CREBL2: variants seen among roughly 807,000 people sequenced by gnomAD.
CREBL2 encodes the protein cAMP responsive element binding protein like 2, also known as cAMP-responsive element-binding protein-like 2.
Under a neutral mutation model 19.5 loss-of-function variants are expected in CREBL2, and 4 were observed. The observed-to-expected ratio is 0.20, with a 90% confidence interval of 0.10 to 0.47. The LOEUF is 0.47. Among genes scored for constraint, CREBL2 ranks in the 20% least tolerant of loss-of-function variants. CREBL2 has a pLI of 0.98. For synonymous variants in CREBL2, 42 were observed against 46.6 expected (o/e 0.90, Z 0.40); for missense variants, 85 against 145.1 (o/e 0.59, Z 2.13).
chr12:12,636,555 G>A (rs781624099), intron 2 of CREBL2, among the ~76,000 whole-genome samples: 87 of 152,226 alleles, frequency 5.7e-4, no homozygotes, highest in Non-Finnish European at 8.4e-4. Flanking sequence ...GAGTAGCTGG[G>A]ACTACAGGTG....
intron 1 of CREBL2, among the ~76,000 whole-genome samples, chr12:12,614,065 C>T (rs1045626445): frequency 4.2e-5 from 6 of 143,124 alleles, no homozygotes; most frequent in African/African-American, 1.6e-4. Flanking sequence ...ACGATCTCGG[C>T]TCACTGCCGA....
At position 12,637,482 on chromosome 12, in the gene CREBL2, T is replaced by C. The variant is rs1028308755; in HGVS notation, c.214-88T>C. 27 of 883,606 alleles carry C rather than the reference T, an allele frequency of 3.1e-5. No individual in the cohort carries two copies. In the East Asian group the frequency reaches 8.0e-4, roughly 26 times the overall value. 54.7% of individuals were successfully genotyped at this position (883,606 alleles called of 1,614,324 possible). ...TGGGAGTTCCTATGTCTAGGATTTC[T>C]ACCAGTGGTTCCTGAACTCTGACAA... is the stretch of plus-strand genomic sequence containing the variant. On this transcript the variant is annotated intron_variant, in intron 2 of 3. Transcript: ENST00000228865.
intron 3 of CREBL2, among the ~76,000 whole-genome samples, chr12:12,640,535 A>G (rs1945509119): frequency 6.6e-6 from 1 of 152,192 alleles, no homozygotes; most frequent in Non-Finnish European, 1.5e-5. Flanking sequence ...ATCAATTTGT[A>G]CAGTTAACAC....
Position 12,611,885 on chromosome 12 carries a change from G to C in CREBL2, c.-288G>C, listed in dbSNP as rs1207483330. 1 of 505,808 alleles carries C rather than the reference G, an allele frequency of 2.0e-6. No homozygotes were observed. Among genetic ancestry groups the C allele is most frequent in the Admixed American group, 3.8e-5 (1 of 26,432 alleles). 31.3% of individuals were successfully genotyped at this position (505,808 alleles called of 1,614,324 possible). A position where few individuals can be genotyped will look rare whatever the true frequency, so the allele number is the denominator to read the frequency against. Reference sequence around the variant, plus strand: ...CTCCCGCCCACCCTCCGGTCTCGGCGGCTCTCCAGAGCGTCTGTAAACACC... The same window carrying C: ...CTCCCGCCCACCCTCCGGTCTCGGCCGCTCTCCAGAGCGTCTGTAAACACC... On this transcript the variant is annotated 5_prime_UTR_variant, in exon 1 of 4. Coordinates refer to ENST00000228865, the MANE Select transcript of CREBL2 (RefSeq NM_001310.4).
intron 1 of CREBL2, among the ~76,000 whole-genome samples, chr12:12,612,666 T>C (rs954529543): frequency 6.6e-6 from 1 of 152,146 alleles, no homozygotes; most frequent in Non-Finnish European, 1.5e-5. Flanking sequence ...GGAACACCGC[T>C]AAGCTCCTGT....
chr12:12,636,832 G>A (rs1468078177), intron 2 of CREBL2, among the ~76,000 whole-genome samples: 1 of 152,216 alleles, frequency 6.6e-6, no homozygotes. Context: ...CTCCATTATT[G>A]TGAGCTGAGG....
At chr12:12,641,250 ATTATTTTTTTTTAT>A (rs1052742116) in intron 3 of CREBL2, among the ~76,000 whole-genome samples, 8 of 58,002 alleles carry the variant, frequency 1.4e-4, no homozygotes, top group South Asian at 5.8e-4. Context: ...TATTATTATT[ATTATTTTTTTTTAT>A]TTTTTTTTTT....
chr12:12,639,819 C>T (rs550187199), intron 3 of CREBL2, among the ~76,000 whole-genome samples: 9 of 151,586 alleles, frequency 5.9e-5, no homozygotes, highest in East Asian at 3.9e-4. Context: ...CCGTGATGCC[C>T]GCCTGAGTCT....
chr12:12,622,817 TTATC>T (rs139744745), intron 1 of CREBL2, among the ~76,000 whole-genome samples: 7,499 of 152,282 alleles, frequency 0.049, 600 homozygotes, highest in African/African-American at 0.16. Context: ...ACATTCATAT[TTATC>T]TTAATTTTTC....
intron 3 of CREBL2, among the ~76,000 whole-genome samples, 185 bp downstream of exon 3, chr12:12,637,899 G>C (rs1269797641): frequency 6.6e-6 from 1 of 151,770 alleles, no homozygotes; most frequent in Non-Finnish European, 1.5e-5. Context: ...AAAATTCGCT[G>C]GGCATGGGGG....
At chr12:12,639,785 G>T (rs564631860) in intron 3 of CREBL2, among the ~76,000 whole-genome samples, 1 of 152,268 alleles carries the variant, frequency 6.6e-6, no homozygotes, top group Admixed American at 6.5e-5. Flanking sequence ...GGGCCGCCAG[G>T]GGTGACATCA....
At chr12:12,618,246 C>T (rs549593699) in intron 1 of CREBL2, among the ~76,000 whole-genome samples, 102 of 151,350 alleles carry the variant, frequency 6.7e-4, no homozygotes, top group Non-Finnish European at 1.1e-3. Context: ...GGGCGGCTGC[C>T]GGGCGGAGAC....
chr12:12,640,028 A>G (rs1945505784), intron 3 of CREBL2, among the ~76,000 whole-genome samples: 1 of 152,200 alleles, frequency 6.6e-6, no homozygotes, highest in Non-Finnish European at 1.5e-5. Context: ...TCACAGGGCA[A>G]AGGGCAAAAG....
intron 1 of CREBL2, among the ~76,000 whole-genome samples, chr12:12,613,990 C>CTTTTTTTTTT (rs57522744): frequency 1.9e-4 from 14 of 72,944 alleles, no homozygotes; most frequent in African/African-American, 3.3e-4. Flanking sequence ...TCTTTTTTTT[C>CTTTTTTTTTT]TTTTTTTTTT....
At chr12:12,628,392 T>C (rs532649756) in intron 1 of CREBL2, among the ~76,000 whole-genome samples, 1 of 152,334 alleles carries the variant, frequency 6.6e-6, no homozygotes, top group South Asian at 2.1e-4. Flanking sequence ...AAGAGTTCTT[T>C]ATGTATTCTA....
At position 12,611,938 on chromosome 12, in the gene CREBL2, A is replaced by AGGC. The variant is rs907676271; in HGVS notation, c.-224_-222dup. ...GAGACTGTCATGGAGGGGGAGGAGG[A>AGGC]GGCGGCGGCGGCGAAGGGAGGCGTT... On this transcript the variant is annotated 5_prime_UTR_variant, in exon 1 of 4. Transcript: ENST00000228865. 1.0e-4 allele frequency: 59 copies of AGGC among 577,292 alleles called. No individual in the cohort carries two copies. The highest frequency in any genetic ancestry group is 3.9e-4 in the East Asian group (13 of 33,514). The allele number at this position is 577,292 out of a possible 1,614,324, so 35.8% of individuals were successfully genotyped here.
intron 1 of CREBL2, among the ~76,000 whole-genome samples, chr12:12,618,600 A>G (rs1318931939): frequency 6.6e-6 from 1 of 151,802 alleles, no homozygotes; most frequent in Admixed American, 6.6e-5. Context: ...GCAGCCAGGC[A>G]GAGACGCTCC....
Position 12,644,231 on chromosome 12 carries a change from A to G in CREBL2, c.*2233A>G, listed in dbSNP as rs913420676. 6.6e-6 allele frequency: 1 copy of G among 152,192 alleles called. No homozygotes were observed. Among genetic ancestry groups the G allele is most frequent in the African/African-American group, 2.4e-5 (1 of 41,432 alleles). The allele number at this position is 152,192 out of a possible 1,614,324, so 9.4% of individuals were successfully genotyped here. A position where few individuals can be genotyped will look rare whatever the true frequency, so the allele number is the denominator to read the frequency against. On this transcript the variant is annotated 3_prime_UTR_variant, in exon 4 of 4. Transcript: ENST00000228865. ...GGTGTTTTGGAGGAGATCACACACT[A>G]AGAGAACGTTGATTGCCTCGGCTAT...
chr12:12,616,480 G>A lies in CREBL2; in HGVS notation c.15+4293G>A, dbSNP rs189218288. Among the ~76,000 whole-genome samples, 120 of 152,280 alleles carry A rather than the reference G, an allele frequency of 7.9e-4. 1 individual carries two copies. The highest frequency in any genetic ancestry group is 2.7e-3 in the Admixed American group (41 of 15,294). On this transcript the variant is annotated intron_variant, in intron 1 of 3. Transcript: ENST00000228865. Reference sequence around the variant, plus strand: ...CCAGCAGCTTTGAAAACCTTAGTGAGCATCAAAAAGAAAATTCATTTAAAT... The same window carrying A: ...CCAGCAGCTTTGAAAACCTTAGTGAACATCAAAAAGAAAATTCATTTAAAT...
Sources: allele counts gnomAD v4.1 joint callset (sites outside exome capture counted in the v4.1 genomes callset), GRCh38; gene constraint gnomAD v4.1.1; transcripts MANE v1.5; gene names NCBI Gene and HGNC (gene_info 2026-07-23, HGNC 2026-07-21).